PDK3: variants seen among roughly 807,000 people sequenced by gnomAD.
The protein encoded by PDK3 is pyruvate dehydrogenase kinase, isozyme 3.
PDK3 carries 12 observed loss-of-function variants against 32.0 expected under a neutral mutation model. The ratio of observed to expected loss-of-function variants is 0.37; its 90% CI spans 0.24 to 0.61. PDK3 has a LOEUF of 0.61. Among genes scored for constraint, PDK3 ranks in the 20% least tolerant of loss-of-function variants. The pLI is 0.65. For synonymous variants in PDK3, 122 were observed against 116.3 expected (o/e 1.05, Z -0.31); for missense variants, 188 against 316.9 (o/e 0.59, Z 3.09).
downstream of PDK3, chrX:24,539,079 A>C: frequency 1.3e-6 from 1 of 740,972 alleles, no homozygotes; most frequent in Admixed American, 2.7e-5. Flanking sequence ...TGGTCAAAAC[A>C]GAGGAGGTTG....
chrX:24,490,239 A>G (rs1196116678), intron 1 of PDK3, among the ~76,000 whole-genome samples: 1 of 111,873 alleles, frequency 8.9e-6, no homozygotes, highest in Non-Finnish European at 1.9e-5. Context: ...CAGCCTCCCA[A>G]GTAGCTAGGA....
At chrX:24,522,388 C>A (rs1922419015) in intron 6 of PDK3, among the ~76,000 whole-genome samples, 1 of 111,200 alleles carries the variant, frequency 9.0e-6, no homozygotes, top group Admixed American at 9.6e-5. Context: ...GTAATGTTCC[C>A]AAAGAAAAGT....
intron 10 of PDK3, among the ~76,000 whole-genome samples, chrX:24,532,999 C>A (rs1259080740): frequency 9.0e-6 from 1 of 110,964 alleles, no homozygotes; most frequent in Admixed American, 9.6e-5. Context: ...TATTGGAGCA[C>A]CCCAGATTTC....
intron 9 of PDK3, 66 bp downstream of exon 9, chrX:24,528,252 CCT>C (rs761730827): frequency 2.1e-4 from 120 of 576,094 alleles, no homozygotes; most frequent in Non-Finnish European, 3.2e-4. Flanking sequence ...GAGGGAGCTG[CCT>C]CTCTCCCCAG....
intron 2 of PDK3, among the ~76,000 whole-genome samples, chrX:24,496,330 C>T (rs1001298258): frequency 4.6e-5 from 5 of 108,884 alleles, no homozygotes; most frequent in Non-Finnish European, 9.5e-5. Context: ...CGTGCGTGCA[C>T]ACATATATAT....
exon 12 of PDK3, among the ~76,000 whole-genome samples, chrX:24,541,866 T>C (rs1922901173): frequency 8.9e-6 from 1 of 112,704 alleles, no homozygotes; most frequent in South Asian, 3.6e-4. Context: ...CATTCCTCTG[T>C]ACTGCTCTTT....
Position 24,529,203 on chromosome X carries a change from A to G in PDK3, c.963+1017A>G, listed in dbSNP as rs192672723. ...CACAAACAAATCTAGCACCTTCCCC[A>G]GTTGTTTAAAAGAAATATAGATTGT... On this transcript the variant is annotated intron_variant, in intron 9 of 10. Transcript: ENST00000379162. Among the ~76,000 whole-genome samples the G allele has an allele frequency of 1.3e-3, 141 of 112,054 alleles. 1 individual carries two copies. Among genetic ancestry groups the G allele is most frequent in the Middle Eastern group, 4.6e-3 (1 of 217 alleles).
At chrX:24,543,478 C>G (rs1350223122) in exon 12 of PDK3, among the ~76,000 whole-genome samples, 1 of 110,801 alleles carries the variant, frequency 9.0e-6, no homozygotes, top group East Asian at 2.8e-4. Flanking sequence ...AAGATAGTGT[C>G]TCACTCTGTC....
At chrX:24,477,729 C>A (rs189499720) in intron 1 of PDK3, among the ~76,000 whole-genome samples, 170 of 111,351 alleles carry the variant, frequency 1.5e-3, no homozygotes, top group African/African-American at 5.2e-3. Context: ...TTCTGATGAG[C>A]CTTTGTAGCT....
downstream of PDK3, among the ~76,000 whole-genome samples, chrX:24,535,693 C>T (rs1251262828): frequency 2.8e-5 from 3 of 109,084 alleles, no homozygotes; most frequent in Non-Finnish European, 5.7e-5. Context: ...TTACACTATT[C>T]ATACTATTTT....
At chrX:24,484,544 T>C (rs1434619356) in intron 1 of PDK3, among the ~76,000 whole-genome samples, 3 of 111,816 alleles carry the variant, frequency 2.7e-5, no homozygotes, top group Non-Finnish European at 5.6e-5. Flanking sequence ...TGTGCAGATA[T>C]ATGTTTCAAA....
At chrX:24,537,376 G>C (rs1922804179), downstream of PDK3, among the ~76,000 whole-genome samples, 1 of 100,726 alleles carries the variant, frequency 9.9e-6, no homozygotes, top group African/African-American at 3.7e-5. Context: ...CAGGTGATCT[G>C]CCTGCCTTGG....
intron 1 of PDK3, among the ~76,000 whole-genome samples, chrX:24,492,503 C>T (rs953352240): frequency 1.8e-4 from 20 of 111,151 alleles, no homozygotes; most frequent in Non-Finnish European, 2.3e-4. Flanking sequence ...GCACGAGAGC[C>T]GCTTGAACCT....
At chrX:24,472,675 C>CTTTTTTT (rs761538432) in intron 1 of PDK3, among the ~76,000 whole-genome samples, 67 of 49,709 alleles carry the variant, frequency 1.3e-3, no homozygotes, top group Non-Finnish European at 1.6e-3. Flanking sequence ...TTCTTTCTTT[C>CTTTTTTT]TTTTTTTTTT....
At chrX:24,469,366 G>A (rs180786803) in intron 1 of PDK3, among the ~76,000 whole-genome samples, 89 of 110,378 alleles carry the variant, frequency 8.1e-4, no homozygotes, top group African/African-American at 2.7e-3. Flanking sequence ...GAGAGTACCT[G>A]TTTTCCTATG....
exon 12 of PDK3, chrX:24,550,167 T>C (rs1303066475): frequency 1.8e-5 from 2 of 112,276 alleles, no homozygotes; most frequent in African/African-American, 3.2e-5. Context: ...GCCAAGGAGC[T>C]TTGTTTATAG....
chrX:24,548,704 T>C (rs1404133779), exon 12 of PDK3: 1 of 112,289 alleles, frequency 8.9e-6, no homozygotes, highest in Non-Finnish European at 1.9e-5. Flanking sequence ...TGTTTTAAAA[T>C]ATTCATACCT....
chrX:24,522,762 T>C (rs909488448), intron 6 of PDK3, among the ~76,000 whole-genome samples: 33 of 109,826 alleles, frequency 3.0e-4, no homozygotes, highest in Admixed American at 2.8e-3. Context: ...AAAAATTAGC[T>C]GGGCATGATG....
chrX:24,500,901 C>G (rs1921838670), intron 3 of PDK3, among the ~76,000 whole-genome samples: 1 of 111,693 alleles, frequency 9.0e-6, no homozygotes, highest in African/African-American at 3.3e-5. Context: ...AGTTGAGGCA[C>G]TTCTCTACTA....
Sources: gnomAD v4.1 joint callset for allele counts (sites outside exome capture counted in the v4.1 genomes callset) on GRCh38, gnomAD v4.1.1 for gene constraint, MANE v1.5 for transcripts, NCBI Gene and HGNC (gene_info 2026-07-23, HGNC 2026-07-21) for gene names.